EXOC4: variants seen among roughly 807,000 people sequenced by gnomAD.
EXOC4 encodes exocyst complex component 4.
Under a neutral mutation model 107.2 loss-of-function variants are expected in EXOC4, and 71 were observed. The observed-to-expected ratio is 0.66, with a 90% confidence interval of 0.55 to 0.81. EXOC4 has a LOEUF of 0.81. Among genes scored for constraint, EXOC4 ranks in the 30% least tolerant of loss-of-function variants. EXOC4 has a pLI of 0.00. For missense variants in EXOC4, 1,108 were observed against 1,189.6 expected, an observed-to-expected ratio of 0.93 and a Z score of 1.01; for synonymous variants, 456 against 441.2, an observed-to-expected ratio of 1.03 and a Z score of -0.42.
At chr7:133,816,909 G>A (rs76179390) in intron 10 of EXOC4, among the ~76,000 whole-genome samples, 1,758 of 152,266 alleles carry the variant, frequency 0.012, 18 homozygotes, top group Non-Finnish European at 0.019. Context: ...CCACAGACCC[G>A]TACTGGTTCA....
At chr7:133,421,812 C>A (rs1797614064) in intron 7 of EXOC4, among the ~76,000 whole-genome samples, 1 of 152,112 alleles carries the variant, frequency 6.6e-6, no homozygotes, top group South Asian at 2.1e-4. Flanking sequence ...CCAATGCCTA[C>A]ATAATTTGTT....
intron 2 of EXOC4, among the ~76,000 whole-genome samples, chr7:133,275,645 T>C (rs748334599): frequency 1.2e-4 from 18 of 152,176 alleles, no homozygotes; most frequent in Non-Finnish European, 2.4e-4. Context: ...GCCAGTCGAA[T>C]ACCCTTTTAT....
chr7:134,041,499 TACA>T (rs1303781405), intron 17 of EXOC4, among the ~76,000 whole-genome samples: 3 of 152,212 alleles, frequency 2.0e-5, no homozygotes, highest in Non-Finnish European at 4.4e-5. Context: ...TCAATTTGAA[TACA>T]ACATGTAAAT....
intron 9 of EXOC4, among the ~76,000 whole-genome samples, chr7:133,514,730 C>T (rs561373710): frequency 6.6e-6 from 1 of 152,220 alleles, no homozygotes; most frequent in Non-Finnish European, 1.5e-5. Context: ...AATAGGTTAA[C>T]ATTTTTTGAG....
At chr7:133,943,344 C>A (rs919842367) in intron 14 of EXOC4, among the ~76,000 whole-genome samples, 3 of 152,148 alleles carry the variant, frequency 2.0e-5, no homozygotes, top group African/African-American at 7.2e-5. Flanking sequence ...GTTTTTGGCT[C>A]TGCATTATCA....
At chr7:133,792,567 A>AAC (rs1478263390) in intron 10 of EXOC4, among the ~76,000 whole-genome samples, 1 of 151,478 alleles carries the variant, frequency 6.6e-6, no homozygotes, top group East Asian at 1.9e-4. Context: ...AAAAAAAAAA[A>AAC]AAAAAACCTA....
chr7:134,096,088 T>C, the EXOC4 span, among the ~76,000 whole-genome samples: 1 of 152,070 alleles, frequency 6.6e-6, no homozygotes, highest in African/African-American at 2.4e-5. Context: ...TCAGAATCTA[T>C]AAGGAACTTA....
At chr7:133,435,918 TTTTTC>T (rs1327491304) in intron 7 of EXOC4, among the ~76,000 whole-genome samples, 1 of 152,138 alleles carries the variant, frequency 6.6e-6, no homozygotes. Flanking sequence ...GCAAGTGGGT[TTTTTC>T]TTTTATTTTT....
chr7:133,540,352 A>G (rs559180762), intron 9 of EXOC4, among the ~76,000 whole-genome samples: 15 of 152,336 alleles, frequency 9.8e-5, no homozygotes, highest in African/African-American at 3.6e-4. Flanking sequence ...CGAACCACTA[A>G]TAGAAATTTC....
chr7:133,697,048 C>G (rs1794550146), intron 10 of EXOC4, among the ~76,000 whole-genome samples: 1 of 152,190 alleles, frequency 6.6e-6, no homozygotes, highest in Non-Finnish European at 1.5e-5. Context: ...TTGAAAGAGG[C>G]TCTTTACTCC....
At chr7:133,763,410 G>A (rs1357475756) in intron 10 of EXOC4, among the ~76,000 whole-genome samples, 2 of 152,076 alleles carry the variant, frequency 1.3e-5, no homozygotes, top group Non-Finnish European at 2.9e-5. Context: ...TTTATGGAAT[G>A]GATTAAGTGG....
chr7:133,436,089 C>T (rs1797967650), intron 7 of EXOC4, among the ~76,000 whole-genome samples: 1 of 146,076 alleles, frequency 6.8e-6, no homozygotes, highest in Non-Finnish European at 1.5e-5. Flanking sequence ...AGAATTTGCT[C>T]TTGCTATTCA....
chr7:133,711,309 T>C (rs1032042323), intron 10 of EXOC4, among the ~76,000 whole-genome samples: 1 of 152,214 alleles, frequency 6.6e-6, no homozygotes, highest in African/African-American at 2.4e-5. Context: ...ATTTGCTACC[T>C]GTGGAGCTGG....
At chr7:134,041,404 A>G (rs1163453403) in intron 17 of EXOC4, among the ~76,000 whole-genome samples, 1 of 152,236 alleles carries the variant, frequency 6.6e-6, no homozygotes, top group Non-Finnish European at 1.5e-5. Flanking sequence ...AAATGTAGAC[A>G]TTAATAACTG....
At chr7:133,966,426 A>C (rs976186844) in intron 14 of EXOC4, among the ~76,000 whole-genome samples, 4 of 152,230 alleles carry the variant, frequency 2.6e-5, no homozygotes, top group African/African-American at 9.7e-5. Context: ...GAATGCTTCC[A>C]GCTTTTGCCT....
chr7:133,464,836 T>TTTTG (rs1798687248), intron 7 of EXOC4, among the ~76,000 whole-genome samples: 1 of 143,528 alleles, frequency 7.0e-6, no homozygotes, highest in Non-Finnish European at 1.5e-5. Flanking sequence ...TTTTTTTTTT[T>TTTTG]GGAGTTAGGG....
At chr7:133,566,074 A>G (rs564014993) in intron 9 of EXOC4, among the ~76,000 whole-genome samples, 16 of 152,358 alleles carry the variant, frequency 1.1e-4, no homozygotes, top group African/African-American at 3.8e-4. Context: ...GAGATCATTT[A>G]TAAAGGTATG....
chr7:133,765,701 T>C (rs978432343), intron 10 of EXOC4, among the ~76,000 whole-genome samples: 1 of 152,010 alleles, frequency 6.6e-6, no homozygotes, highest in Non-Finnish European at 1.5e-5. Context: ...TTCCTTTGTA[T>C]TATGATCTTT....
chr7:133,971,295 C>T (rs557130009), intron 14 of EXOC4, among the ~76,000 whole-genome samples: 1 of 132,334 alleles, frequency 7.6e-6, no homozygotes, highest in South Asian at 2.6e-4. Flanking sequence ...TTCCCAGCTC[C>T]TTGAACCTTG....
Sources: allele counts gnomAD v4.1 joint callset (sites outside exome capture counted in the v4.1 genomes callset), GRCh38; gene constraint gnomAD v4.1.1; transcripts MANE v1.5; gene names NCBI Gene and HGNC (gene_info 2026-07-23, HGNC 2026-07-21).